Variants in STK3 observed in about 807,000 individuals in gnomAD.
The protein encoded by STK3 is serine/threonine-protein kinase 3.
In STK3, 41 loss-of-function variants were observed where a neutral mutation model predicts 58.0. The ratio of observed to expected loss-of-function variants is 0.71; its 90% CI spans 0.55 to 0.92. The LOEUF (loss-of-function observed/expected upper bound fraction) is 0.92. STK3 is among the 40% of genes least tolerant of loss of function. The pLI is 0.00. For synonymous variants in STK3, 170 were observed against 191.0 expected, an observed-to-expected ratio of 0.89 and a Z score of 0.91; for missense variants, 479 against 602.7, an observed-to-expected ratio of 0.79 and a Z score of 2.15.
At chr8:98,919,539 A>G (rs1176901679) in intron 1 of STK3, among the ~76,000 whole-genome samples, 1 of 152,180 alleles carries the variant, frequency 6.6e-6, no homozygotes, top group African/African-American at 2.4e-5. Context: ...GGGAAATTCT[A>G]TGTTGTGATA....
chr8:98,567,775 A>T (rs1249011713), intron 8 of STK3, among the ~76,000 whole-genome samples: 1 of 152,102 alleles, frequency 6.6e-6, no homozygotes, highest in Non-Finnish European at 1.5e-5. Flanking sequence ...TTATAATTTT[A>T]GGCCAGGCAC....
intron 1 of STK3, chr8:98,883,872 A>T (rs939248277): frequency 1.2e-5 from 7 of 597,910 alleles, no homozygotes; most frequent in African/African-American, 1.1e-4. Context: ...AGTTCAGTCA[A>T]CTGAAGCCAG....
At chr8:98,840,620 T>G (rs1233035134) in intron 3 of STK3, among the ~76,000 whole-genome samples, 8 of 126,194 alleles carry the variant, frequency 6.3e-5, no homozygotes, top group African/African-American at 2.5e-4. Flanking sequence ...TATATATATA[T>G]ATATATATAC....
At chr8:98,791,221 A>G (rs1187006245) in intron 1 of STK3, among the ~76,000 whole-genome samples, 1 of 152,214 alleles carries the variant, frequency 6.6e-6, no homozygotes, top group East Asian at 1.9e-4. Flanking sequence ...CTCTTACAAT[A>G]GCTGCAAAAA....
chr8:98,941,922 C>T (rs1218283876), intron 1 of STK3, among the ~76,000 whole-genome samples: 2 of 152,374 alleles, frequency 1.3e-5, no homozygotes, highest in South Asian at 2.1e-4. Flanking sequence ...CTCAGGTCCC[C>T]GGGGCCGCGG....
intron 4 of STK3, among the ~76,000 whole-genome samples, chr8:98,738,986 T>C (rs1435783602): frequency 2.0e-5 from 3 of 152,232 alleles, no homozygotes; most frequent in Non-Finnish European, 4.4e-5. Context: ...GTCTCACTGA[T>C]TGCTAGCACA....
At chr8:98,734,462 T>G (rs1016535903) in intron 4 of STK3, among the ~76,000 whole-genome samples, 2 of 152,146 alleles carry the variant, frequency 1.3e-5, no homozygotes, top group Non-Finnish European at 2.9e-5. Flanking sequence ...AATCAAAAAA[T>G]GGGCCTAAAT....
At chr8:98,595,925 T>C in intron 7 of STK3, 107 bp downstream of exon 7, 1 of 1,289,370 alleles carries the variant, frequency 7.8e-7, no homozygotes, top group Non-Finnish European at 1.0e-6. Context: ...GGAGGGGAGG[T>C]TTACATCTTT....
the STK3 span, among the ~76,000 whole-genome samples, chr8:98,349,946 A>G: frequency 1.7e-4 from 26 of 151,240 alleles, 1 homozygote; most frequent in African/African-American, 6.1e-4. Context: ...CCCTGGAGAC[A>G]TTTTCCACAT....
At chr8:98,704,458 C>T (rs1004224750) in intron 6 of STK3, among the ~76,000 whole-genome samples, 8 of 151,170 alleles carry the variant, frequency 5.3e-5, no homozygotes, top group Non-Finnish European at 1.0e-4. Flanking sequence ...TGCCTATATA[C>T]AAAATATGAG....
At chr8:98,705,300 C>T (rs995765279) in intron 6 of STK3, among the ~76,000 whole-genome samples, 67 of 151,868 alleles carry the variant, frequency 4.4e-4, no homozygotes, top group Non-Finnish European at 2.8e-4. Flanking sequence ...ATAGTCCCAG[C>T]TACTCTGCAG....
At chr8:98,584,280 G>C (rs1250676882) in intron 7 of STK3, among the ~76,000 whole-genome samples, 1 of 148,818 alleles carries the variant, frequency 6.7e-6, no homozygotes, top group South Asian at 2.1e-4. Context: ...CCCAGAGTGT[G>C]ATGTTCCCCT....
chr8:98,784,145 C>T (rs1265876392), intron 1 of STK3, among the ~76,000 whole-genome samples: 3 of 152,226 alleles, frequency 2.0e-5, no homozygotes, highest in Non-Finnish European at 4.4e-5. Context: ...GACAGACACT[C>T]GGAAAAGCTA....
chr8:98,939,579 T>G (rs1440323769), intron 1 of STK3, among the ~76,000 whole-genome samples: 1 of 152,174 alleles, frequency 6.6e-6, no homozygotes, highest in Non-Finnish European at 1.5e-5. Flanking sequence ...AAAACAAGTC[T>G]GGAGACGGGA....
At chr8:98,892,881 AACAACGTTAGCAATTC>A (rs1838246904) in intron 1 of STK3, among the ~76,000 whole-genome samples, 1 of 152,176 alleles carries the variant, frequency 6.6e-6, no homozygotes, top group African/African-American at 2.4e-5. Flanking sequence ...ATCTTTTATT[AACAACGTTAGCAATTC>A]ACACTTCAGT....
At chr8:98,706,741 T>C in intron 5 of STK3, 107 bp from the exon 6 acceptor site, 9 of 1,238,592 alleles carry the variant, frequency 7.3e-6, no homozygotes, top group Non-Finnish European at 9.7e-6. Context: ...CCACAGATTA[T>C]ATCAGAAATT....
intron 6 of STK3, among the ~76,000 whole-genome samples, chr8:98,628,840 AAAG>A (rs1818949807): frequency 2.0e-5 from 3 of 151,360 alleles, no homozygotes; most frequent in Non-Finnish European, 4.4e-5. Flanking sequence ...AAAAAAAAAA[AAAG>A]GAATGTGCCT....
Position 98,800,533 on chromosome 8 carries a change from C to T in STK3, c.26+24982G>A, listed in dbSNP as rs1469141348. On this transcript the variant is annotated intron_variant, in intron 1 of 10. Transcript: ENST00000419617. This position sits in a 1 kb window ranked among gnomAD's most constrained non-coding sequence, Gnocchi z 4.8. ...CTGCCGCTGCACTGTGGGAGCCCCT[C>T]TCTGGGCTGGCCAAGGCCGGAGCCG... Among the ~76,000 whole-genome samples, 1 of 152,236 alleles carries T rather than the reference C, an allele frequency of 6.6e-6. No individual in the cohort carries two copies. Among genetic ancestry groups the T allele is most frequent in the Non-Finnish European group, 1.5e-5 (1 of 68,036 alleles).
intron 1 of STK3, among the ~76,000 whole-genome samples, chr8:98,936,617 C>T (rs1840207740): frequency 6.6e-6 from 1 of 152,192 alleles, no homozygotes. Flanking sequence ...AATGATGAGA[C>T]AGAGGGGGAG....
Sources: allele counts gnomAD v4.1 joint callset (sites outside exome capture counted in the v4.1 genomes callset), GRCh38; gene constraint gnomAD v4.1.1; non-coding constraint Gnocchi (gnomAD v3.1); transcripts MANE v1.5; gene names NCBI Gene and HGNC (gene_info 2026-07-23, HGNC 2026-07-21).